Variants in ST18 observed in about 807,000 individuals in gnomAD.
ST18 encodes suppression of tumorigenicity 18 protein.
ST18 carries 50 observed loss-of-function variants against 110.0 expected under a neutral mutation model. The ratio of observed to expected loss-of-function variants is 0.45; its 90% CI spans 0.36 to 0.58. The LOEUF (loss-of-function observed/expected upper bound fraction) is 0.58, where lower values mean the gene tolerates loss of function less well. Among genes scored for constraint, ST18 ranks in the 20% least tolerant of loss-of-function variants. The pLI is 0.00. For synonymous variants in ST18, 461 were observed against 452.4 expected (o/e 1.02, Z -0.24); for missense variants, 1,306 against 1,280.1 (o/e 1.02, Z -0.31).
At chr8:52,258,509 C>T (rs2094590249) in intron 2 of ST18, among the ~76,000 whole-genome samples, 1 of 152,068 alleles carries the variant, frequency 6.6e-6, no homozygotes, top group East Asian at 1.9e-4. Flanking sequence ...TAAATTTATT[C>T]CTAATTGTTT....
chr8:52,143,341 T>C (rs965113070), intron 16 of ST18, among the ~76,000 whole-genome samples: 4 of 152,232 alleles, frequency 2.6e-5, no homozygotes, highest in African/African-American at 9.6e-5. Context: ...AAAAATTTGC[T>C]GGACGCTGTG....
chr8:52,342,603 T>C (rs575013577), intron 2 of ST18, among the ~76,000 whole-genome samples: 24 of 152,296 alleles, frequency 1.6e-4, no homozygotes, highest in Admixed American at 4.6e-4. Context: ...ATATCAAATT[T>C]CAGCGTGCAC....
chr8:52,120,596 C>T (rs570031514), intron 23 of ST18, among the ~76,000 whole-genome samples: 8 of 152,250 alleles, frequency 5.3e-5, no homozygotes, highest in South Asian at 2.1e-4. Context: ...GGAGTGAGTG[C>T]CCCATGGACA....
chr8:52,243,341 C>G (rs1194865238), intron 2 of ST18, among the ~76,000 whole-genome samples: 2 of 152,172 alleles, frequency 1.3e-5, no homozygotes, highest in African/African-American at 2.4e-5. Flanking sequence ...AATAAAACAA[C>G]TTGTCAAGTC....
At chr8:52,268,769 G>T (rs1169397352) in intron 2 of ST18, among the ~76,000 whole-genome samples, 1 of 152,300 alleles carries the variant, frequency 6.6e-6, no homozygotes, top group South Asian at 2.1e-4. Flanking sequence ...CTTGGGGCTG[G>T]AGGGTGGCAC....
intron 9 of ST18, among the ~76,000 whole-genome samples, chr8:52,175,089 T>C (rs979414844): frequency 6.6e-6 from 1 of 152,114 alleles, no homozygotes; most frequent in Non-Finnish European, 1.5e-5. Context: ...GCGGCCTCTC[T>C]TGCAAGCTCG....
chr8:52,167,822 A>G (rs1370856860), intron 10 of ST18, among the ~76,000 whole-genome samples: 1 of 152,038 alleles, frequency 6.6e-6, no homozygotes, highest in Non-Finnish European at 1.5e-5. Flanking sequence ...CGGTCATGGT[A>G]AGGGGCACCT....
At chr8:52,191,894 G>T (rs193019314) in intron 8 of ST18, among the ~76,000 whole-genome samples, 160 of 152,316 alleles carry the variant, frequency 1.1e-3, no homozygotes, top group Non-Finnish European at 1.9e-3. Context: ...GTCTGAGGAA[G>T]AGGCATGTGG....
At chr8:52,143,114 T>TA in intron 16 of ST18, 69 bp from the exon 17 acceptor site, 1 of 989,072 alleles carries the variant, frequency 1.0e-6, no homozygotes, top group South Asian at 1.4e-5. Flanking sequence ...CAACTAGATT[T>TA]AAAATCATTG....
At chr8:52,285,649 C>A (rs1033373630) in intron 2 of ST18, among the ~76,000 whole-genome samples, 3 of 152,188 alleles carry the variant, frequency 2.0e-5, no homozygotes, top group Admixed American at 6.5e-5. Context: ...TTTGAAACCA[C>A]AGAGCCCCCA....
intron 2 of ST18, among the ~76,000 whole-genome samples, chr8:52,389,659 C>A (rs983019875): frequency 6.6e-6 from 1 of 152,178 alleles, no homozygotes; most frequent in African/African-American, 2.4e-5. Flanking sequence ...CCGCACCTCT[C>A]CCACTCTGCA....
intron 2 of ST18, chr8:52,407,313 T>C (rs950967821): frequency 1.3e-5 from 2 of 152,134 alleles, no homozygotes; most frequent in African/African-American, 4.8e-5. Flanking sequence ...AGAAAAAAAT[T>C]AACAAGTAAA....
At chr8:52,280,334 C>T (rs769841189) in intron 2 of ST18, among the ~76,000 whole-genome samples, 3 of 151,996 alleles carry the variant, frequency 2.0e-5, no homozygotes, top group Non-Finnish European at 4.4e-5. Context: ...CATAAAACAA[C>T]ATTTTCATGG....
rs879856329 is a variant in ST18 at position 52,267,741 on chromosome 8, G to A, written c.-464-37664C>T. ...GTTAAGCACAGAAAAAATGTTAAGC[G>A]GGGTATTCTCTCAACACACTTCACC... On this transcript the variant is annotated intron_variant, in intron 2 of 25. Coordinates refer to ENST00000689386, the MANE Select transcript of ST18 (RefSeq NM_001352837.2). Among the ~76,000 whole-genome samples the A allele has an allele frequency of 8.5e-5, 13 of 152,272 alleles. 1 individual carries two copies. The highest frequency in any genetic ancestry group is 5.8e-4 in the East Asian group (3 of 5,186).
chr8:52,241,779 A>C (rs918699147), intron 2 of ST18, among the ~76,000 whole-genome samples: 5 of 152,236 alleles, frequency 3.3e-5, no homozygotes, highest in African/African-American at 1.2e-4. Context: ...AATCATTTTA[A>C]ATCATATTCA....
chr8:52,282,162 T>C (rs566362507), intron 2 of ST18, among the ~76,000 whole-genome samples: 1 of 152,224 alleles, frequency 6.6e-6, no homozygotes, highest in African/African-American at 2.4e-5. Flanking sequence ...AGAGACACCC[T>C]TCAATTCACT....
intron 2 of ST18, among the ~76,000 whole-genome samples, chr8:52,297,300 G>A (rs913009394): frequency 6.6e-6 from 1 of 152,220 alleles, no homozygotes; most frequent in Non-Finnish European, 1.5e-5. Flanking sequence ...AAAACGGGGT[G>A]CTAATAGTTG....
intron 16 of ST18, among the ~76,000 whole-genome samples, chr8:52,144,468 T>C (rs2056488698): frequency 6.6e-6 from 1 of 152,078 alleles, no homozygotes; most frequent in African/African-American, 2.4e-5. Flanking sequence ...TAAATGCCGA[T>C]CTCAGTCATC....
Position 52,312,248 on chromosome 8 carries a change from G to A in ST18, c.-464-82171C>T, listed in dbSNP as rs563610860. Among the ~76,000 whole-genome samples, 7 of 152,290 alleles carry A rather than the reference G, an allele frequency of 4.6e-5. No homozygotes were observed. In the South Asian group the frequency reaches 1.4e-3, roughly 32 times the overall value. ...ATGATTGATCTACTTCTCAAGGTCA[G>A]GGTCCAGATGTGGAGAGGGGGCACC... On this transcript the variant is annotated intron_variant, in intron 2 of 25. Transcript: ENST00000689386.
Sources: gnomAD v4.1 joint callset for allele counts (sites outside exome capture counted in the v4.1 genomes callset) on GRCh38, gnomAD v4.1.1 for gene constraint, MANE v1.5 for transcripts, NCBI Gene and HGNC (gene_info 2026-07-23, HGNC 2026-07-21) for gene names.